RAD54L2: variants seen among roughly 807,000 people sequenced by gnomAD.
RAD54L2 encodes helicase ARIP4.
Under a neutral mutation model 138.4 loss-of-function variants are expected in RAD54L2, and 27 were observed. The ratio of observed to expected loss-of-function variants is 0.20; its 90% confidence interval spans 0.14 to 0.27. The LOEUF (loss-of-function observed/expected upper bound fraction) is 0.27, where lower values mean the gene tolerates loss of function less well. RAD54L2 is among the 10% of genes least tolerant of loss of function. The pLI is 1.00. For synonymous variants in RAD54L2, 644 were observed against 723.2 expected, an observed-to-expected ratio of 0.89 and a Z score of 1.76; for missense variants, 1,396 against 1,890.2, an observed-to-expected ratio of 0.74 and a Z score of 4.85.
chr3:51,651,514 G>T (rs543082317), intron 19 of RAD54L2, among the ~76,000 whole-genome samples: 4 of 152,264 alleles, frequency 2.6e-5, no homozygotes, highest in South Asian at 2.1e-4. Flanking sequence ...TATCCCTGAT[G>T]AACATCGATG....
rs1577388844 is a variant in RAD54L2 at position 51,561,003 on chromosome 3, T to A, written c.-55+19353T>A. Among the ~76,000 whole-genome samples, 5 of 152,366 alleles carry A rather than the reference T, an allele frequency of 3.3e-5. 1 individual carries two copies. The South Asian group carries it at 1.0e-3, about 32-fold the overall frequency. On this transcript the variant is annotated intron_variant, in intron 2 of 22. Coordinates refer to ENST00000684192, the MANE Select transcript of RAD54L2 (RefSeq NM_015106.4). ...ACTGTTCTTTTAAGCATTAACATTC[T>A]ATGCCACAGAGTGACCTTTATAAAA...
At chr3:51,594,400 A>G (rs758547277) in intron 3 of RAD54L2, among the ~76,000 whole-genome samples, 83 of 152,108 alleles carry the variant, frequency 5.5e-4, no homozygotes, top group Non-Finnish European at 8.7e-4. Flanking sequence ...ATAATCTTGT[A>G]TGTTAGGTAG....
chr3:51,569,387 A>G (rs1034432675), intron 2 of RAD54L2, among the ~76,000 whole-genome samples: 1 of 144,432 alleles, frequency 6.9e-6, no homozygotes, highest in South Asian at 2.2e-4. Flanking sequence ...TGTTGATTCT[A>G]TTTTTTTTTT....
intron 2 of RAD54L2, among the ~76,000 whole-genome samples, chr3:51,575,834 T>G (rs1699468301): frequency 6.6e-6 from 1 of 152,206 alleles, no homozygotes; most frequent in South Asian, 2.1e-4. Context: ...TTGAATACCC[T>G]TTATTTCTTT....
intron 3 of RAD54L2, among the ~76,000 whole-genome samples, chr3:51,618,806 T>C (rs1010592548): frequency 1.3e-5 from 2 of 152,186 alleles, no homozygotes; most frequent in Admixed American, 6.5e-5. Context: ...CTTTTTTCCA[T>C]AGATAAATAA....
intron 3 of RAD54L2, among the ~76,000 whole-genome samples, chr3:51,620,297 C>G (rs1247932341): frequency 7.4e-6 from 1 of 134,380 alleles, no homozygotes; most frequent in Non-Finnish European, 1.5e-5. Context: ...GGCAGTTTCT[C>G]TATGTTGCCC....
Position 51,663,296 on chromosome 3 carries a change from C to T in RAD54L2, c.4280C>T (p.Pro1427Leu), listed in dbSNP as rs1211367584. Residue 1427 changes from proline (P) to leucine (L), a missense_variant, in exon 23 of 23, where the codon CCA becomes CTA. Physicochemically the swap from Pro to Leu is moderately conservative, Grantham distance 98. This residue lies in a region of RAD54L2 where 634 missense variants were observed against 711.2 expected (regional missense o/e 0.89). Transcript: ENST00000684192. ...TACATGTCCCCACATGCAGGCTACC[C>T]AGCTGGTGGCCTCCTACGGTCCCAG... The part of the protein sequence containing the change: ...PGYMSPHAGY[P>L]AGGLLRSQVP... 6.2e-7 allele frequency: 1 copy of T among 1,614,000 alleles called. No homozygotes were observed. Among genetic ancestry groups the T allele is most frequent in the Middle Eastern group, 1.6e-4 (1 of 6,062 alleles).
intron 3 of RAD54L2, among the ~76,000 whole-genome samples, chr3:51,601,944 C>T (rs1240333707): frequency 6.6e-6 from 1 of 151,748 alleles, no homozygotes; most frequent in Non-Finnish European, 1.5e-5. Flanking sequence ...GCAACCTCTG[C>T]CTCAGCCCCC....
chr3:51,605,451 G>GTTTTT (rs56187003), intron 3 of RAD54L2, among the ~76,000 whole-genome samples: 5 of 109,272 alleles, frequency 4.6e-5, no homozygotes, highest in South Asian at 3.1e-4. Flanking sequence ...GAATTTGAGG[G>GTTTTT]TTTTTTTTTT....
Position 51,640,037 on chromosome 3 carries a change from T to C in RAD54L2, c.2231+38T>C, listed in dbSNP as rs775155331. On this transcript the variant is annotated intron_variant, in intron 14 of 22. Coordinates refer to ENST00000684192, the MANE Select transcript of RAD54L2 (RefSeq NM_015106.4). ...ACTTCCATTTGAGGCTGTGTGTCTA[T>C]GGTAAAGAATGACAAAACCACCACA... 43 of 1,472,500 alleles carry C rather than the reference T, an allele frequency of 2.9e-5. 1 individual carries two copies. In the South Asian group the frequency reaches 3.6e-4, roughly 12 times the overall value. The allele number at this position is 1,472,500 out of a possible 1,614,324, so 91.2% of individuals were successfully genotyped here.
intron 21 of RAD54L2, among the ~76,000 whole-genome samples, chr3:51,658,100 CT>C (rs573919111): frequency 2.4e-3 from 340 of 140,824 alleles, no homozygotes; most frequent in Non-Finnish European, 2.3e-3. Flanking sequence ...GATTTTTGTA[CT>C]TTTTTTTTTT....
intron 2 of RAD54L2, among the ~76,000 whole-genome samples, chr3:51,577,565 C>G (rs927985597): frequency 6.6e-6 from 1 of 152,180 alleles, no homozygotes; most frequent in Non-Finnish European, 1.5e-5. Context: ...ATAGTTAGCT[C>G]TTCTTGTCGA....
intron 19 of RAD54L2, among the ~76,000 whole-genome samples, chr3:51,653,980 T>C (rs911920440): frequency 3.3e-5 from 5 of 152,122 alleles, no homozygotes; most frequent in Non-Finnish European, 7.4e-5. Context: ...CCAAAGGAAA[T>C]TTTGGAAAAC....
At chr3:51,644,390 A>C (rs1460307541) in intron 16 of RAD54L2, among the ~76,000 whole-genome samples, 2 of 152,128 alleles carry the variant, frequency 1.3e-5, no homozygotes, top group Non-Finnish European at 2.9e-5. Context: ...AGCTGCAGTG[A>C]GCTGTGATTG....
chr3:51,544,668 A>G (rs1698639945), intron 2 of RAD54L2, among the ~76,000 whole-genome samples: 1 of 152,142 alleles, frequency 6.6e-6, no homozygotes, highest in Admixed American at 6.5e-5. Context: ...CAATGGCACG[A>G]TCTTGGCTCA....
intron 6 of RAD54L2, 72 bp from the exon 7 acceptor site, chr3:51,630,633 C>T: frequency 7.8e-7 from 1 of 1,284,374 alleles, no homozygotes; most frequent in Non-Finnish European, 1.1e-6. Context: ...CTGTAGTCTT[C>T]TGCTCTGACT....
At chr3:51,558,392 G>A (rs780271835) in intron 2 of RAD54L2, among the ~76,000 whole-genome samples, 13 of 152,090 alleles carry the variant, frequency 8.5e-5, no homozygotes, top group Non-Finnish European at 1.6e-4. Context: ...ATGTGCCATA[G>A]CAGCATCTTA....
intron 15 of RAD54L2, among the ~76,000 whole-genome samples, chr3:51,642,477 A>C (rs1701164177): frequency 6.6e-6 from 1 of 152,114 alleles, no homozygotes. Context: ...AAAAAAAGTC[A>C]TTCCTTAGTG....
At chr3:51,628,175 C>G (rs1700738946) in intron 4 of RAD54L2, among the ~76,000 whole-genome samples, 1 of 152,136 alleles carries the variant, frequency 6.6e-6, no homozygotes, top group African/African-American at 2.4e-5. Flanking sequence ...AAGACTCCTT[C>G]TAAGAGCAAA....
Sources: gnomAD v4.1 joint callset for allele counts (sites outside exome capture counted in the v4.1 genomes callset) on GRCh38, gnomAD v4.1.1 for gene constraint, gnomAD v4.1.1 regional missense constraint, MANE v1.5 for transcripts, NCBI Gene and HGNC (gene_info 2026-07-23, HGNC 2026-07-21) for gene names.